CHST8: variants seen among roughly 807,000 people sequenced by gnomAD.
CHST8 encodes GALNAC-4-ST1.
In CHST8, 10 loss-of-function variants were observed where a neutral mutation model predicts 15.0. The ratio of observed to expected loss-of-function variants is 0.67; its 90% CI spans 0.41 to 1.13. The LOEUF (loss-of-function observed/expected upper bound fraction) is 1.13. CHST8 is among the 50% of genes most tolerant of loss of function. The pLI, the probability that CHST8 is intolerant of heterozygous loss-of-function variation, is 0.00. For missense variants in CHST8, 634 were observed against 608.2 expected (o/e 1.04, Z -0.45); for synonymous variants, 259 against 256.6 (o/e 1.01, Z -0.09).
intron 2 of CHST8, among the ~76,000 whole-genome samples, chr19:33,672,948 C>A (rs932347819): frequency 6.6e-6 from 1 of 152,204 alleles, no homozygotes; most frequent in Non-Finnish European, 1.5e-5. Context: ...AGGATGGACC[C>A]AGGCAGGACG....
intron 1 of CHST8, among the ~76,000 whole-genome samples, 172 bp downstream of exon 1, chr19:33,622,468 C>T (rs1353104148): frequency 3.3e-5 from 5 of 152,154 alleles, no homozygotes; most frequent in Admixed American, 1.3e-4. Context: ...GCGCGGGGCT[C>T]GGGTCTGGTT....
chr19:33,641,140 G>A (rs1972278614), intron 1 of CHST8, among the ~76,000 whole-genome samples: 1 of 152,160 alleles, frequency 6.6e-6, no homozygotes, highest in African/African-American at 2.4e-5. Context: ...GCCCTCCTCA[G>A]CTCCTCGCAG....
chr19:33,736,348 T>C (rs1348799616), intron 3 of CHST8, among the ~76,000 whole-genome samples: 6 of 152,214 alleles, frequency 3.9e-5, no homozygotes, highest in Non-Finnish European at 8.8e-5. Flanking sequence ...GGGTGCTTGC[T>C]GCAGGTATTT....
chr19:33,631,623 T>G (rs114319470), intron 1 of CHST8, among the ~76,000 whole-genome samples: 1 of 152,218 alleles, frequency 6.6e-6, no homozygotes, highest in Non-Finnish European at 1.5e-5. Flanking sequence ...TGGGGCCTCA[T>G]GAGGTTTGGC....
At chr19:33,738,713 C>T (rs1490117951) in intron 3 of CHST8, among the ~76,000 whole-genome samples, 2 of 152,296 alleles carry the variant, frequency 1.3e-5, no homozygotes, top group East Asian at 3.9e-4. Context: ...CCTCAGCCTC[C>T]TGAGTAGCTG....
intron 3 of CHST8, among the ~76,000 whole-genome samples, chr19:33,717,022 GA>G (rs778193629): frequency 1.3e-5 from 2 of 152,138 alleles, no homozygotes; most frequent in Non-Finnish European, 2.9e-5. Context: ...ACACTCTAAT[GA>G]CTCCATTTTT....
At chr19:33,690,100 G>T (rs1190226526) in intron 3 of CHST8, among the ~76,000 whole-genome samples, 1 of 152,158 alleles carries the variant, frequency 6.6e-6, no homozygotes, top group South Asian at 2.1e-4. Flanking sequence ...CAGCTGGCAG[G>T]GTGCCAAGGC....
At chr19:33,633,418 A>T (rs1972149645) in intron 1 of CHST8, among the ~76,000 whole-genome samples, 1 of 151,974 alleles carries the variant, frequency 6.6e-6, no homozygotes, top group South Asian at 2.1e-4. Context: ...TAGAGACAGG[A>T]TCTTGCTCTG....
rs1198206802 is a variant in CHST8 at position 33,679,547 on chromosome 19, G to T, written c.-86-9629G>T. Among the ~76,000 whole-genome samples the T allele has an allele frequency of 2.0e-5, 3 of 152,350 alleles. No homozygotes were observed. The South Asian group carries it at 6.2e-4, about 32-fold the overall frequency. The stretch of plus-strand genomic sequence containing the variant: ...CATTAGCAGAGGAGGCGAAGTGAGT[G>T]TATTTGCTTATGCAGCCAAACTTTC... On this transcript the variant is annotated intron_variant, in intron 2 of 4. Coordinates refer to ENST00000650847, the MANE Select transcript of CHST8 (RefSeq NM_001127895.2).
Position 33,650,507 on chromosome 19 carries a change from CTTTTTCTTT to C in CHST8, c.-163-17258_-163-17250del, listed in dbSNP as rs1442831147. ...TTTTTTTTCTTTTCTTTTTCTTTTT[CTTTTTCTTT>C]TCTTTTTTTTTTTTTTTTTTTTTTT... On this transcript the variant is annotated intron_variant, in intron 1 of 4. Coordinates refer to ENST00000650847, the MANE Select transcript of CHST8 (RefSeq NM_001127895.2). Among the ~76,000 whole-genome samples, 3 of 54,546 alleles carry C rather than the reference CTTTTTCTTT, an allele frequency of 5.5e-5. No individual in the cohort carries two copies. In the East Asian group the frequency reaches 1.6e-3, roughly 29 times the overall value. 35.8% of individuals were successfully genotyped at this position (54,546 alleles called of 152,430 possible).
chr19:33,716,205 G>C (rs1973663348), intron 3 of CHST8, among the ~76,000 whole-genome samples: 1 of 152,140 alleles, frequency 6.6e-6, no homozygotes, highest in Non-Finnish European at 1.5e-5. Flanking sequence ...TATTTAAACT[G>C]TTTGTAGTTT....
At chr19:33,739,918 C>T (rs930026784) in intron 3 of CHST8, among the ~76,000 whole-genome samples, 15 of 152,144 alleles carry the variant, frequency 9.9e-5, no homozygotes, top group African/African-American at 3.6e-4. Context: ...GGTGCCTCCT[C>T]ACACAAAAAG....
At chr19:33,690,801 C>T (rs1262012391) in intron 3 of CHST8, among the ~76,000 whole-genome samples, 3 of 152,228 alleles carry the variant, frequency 2.0e-5, no homozygotes, top group Non-Finnish European at 4.4e-5. Flanking sequence ...ATTGGCAGAA[C>T]AGGGCCCCTC....
At position 33,706,814 on chromosome 19, in the gene CHST8, G is replaced by A. The variant is rs79642115; in HGVS notation, c.130+17423G>A. On this transcript the variant is annotated intron_variant, in intron 3 of 4. Transcript: ENST00000650847. ...CTTAAATCAACTGTGCGCGTCAAGC[G>A]TGTACAACACACAGAGCTTGCAAAA... 9.6e-3 allele frequency among the ~76,000 whole-genome samples: 1,464 copies of A among 152,334 alleles called. 19 individuals carry two copies. Among genetic ancestry groups the A allele is most frequent in the African/African-American group, 0.033 (1,376 of 41,568 alleles).
At chr19:33,747,778 T>A (rs1367761402) in intron 3 of CHST8, among the ~76,000 whole-genome samples, 1 of 152,228 alleles carries the variant, frequency 6.6e-6, no homozygotes, top group African/African-American at 2.4e-5. Flanking sequence ...TTCTTTTGCA[T>A]GAATGAAATG....
chr19:33,660,333 T>C (rs1039851654), intron 1 of CHST8, among the ~76,000 whole-genome samples: 11 of 152,176 alleles, frequency 7.2e-5, no homozygotes, highest in Non-Finnish European at 1.6e-4. Flanking sequence ...TGGAGGTGAA[T>C]GTTGTCCATT....
chr19:33,753,169 C>A (rs1974453285), intron 3 of CHST8, among the ~76,000 whole-genome samples: 1 of 151,962 alleles, frequency 6.6e-6, no homozygotes, highest in Admixed American at 6.5e-5. Flanking sequence ...GGGAACGGCA[C>A]AGCCAGAGCC....
At chr19:33,637,624 G>A (rs1308014055) in intron 1 of CHST8, among the ~76,000 whole-genome samples, 3 of 149,682 alleles carry the variant, frequency 2.0e-5, no homozygotes, top group Non-Finnish European at 3.0e-5. Flanking sequence ...GGATGGTCTC[G>A]ATCTCATGAC....
chr19:33,669,079 G>T (rs1972700577), intron 2 of CHST8, among the ~76,000 whole-genome samples: 1 of 152,206 alleles, frequency 6.6e-6, no homozygotes, highest in African/African-American at 2.4e-5. Flanking sequence ...CCGCTAAGCA[G>T]AATCGTTCCC....
Sources: allele counts gnomAD v4.1 joint callset (sites outside exome capture counted in the v4.1 genomes callset), GRCh38; gene constraint gnomAD v4.1.1; transcripts MANE v1.5; gene names NCBI Gene and HGNC (gene_info 2026-07-23, HGNC 2026-07-21).